REDIC1: variants seen among roughly 807,000 people sequenced by gnomAD.
REDIC1 encodes regulator of DNA class I crossover intermediates 1, also known as HEI10 Interacting Protein 1.
the REDIC1 span, among the ~76,000 whole-genome samples, chr12:39,712,029 C>CCTACCTGTATGTATATATACCTACCTGT: frequency 8.8e-6 from 1 of 113,290 alleles, no homozygotes; most frequent in Non-Finnish European, 1.8e-5. Flanking sequence ...TGTATATATA[C>CCTACCTGTATGTATATATACCTACCTGT]ATGTATATAT....
chr12:39,859,731 T>G, the REDIC1 span, among the ~76,000 whole-genome samples: 1 of 152,148 alleles, frequency 6.6e-6, no homozygotes, highest in African/African-American at 2.4e-5. Flanking sequence ...TTCACCATGT[T>G]GGCCGGGCTG....
At chr12:39,864,099 T>C in the REDIC1 span, among the ~76,000 whole-genome samples, 13 of 152,346 alleles carry the variant, frequency 8.5e-5, no homozygotes, top group South Asian at 2.7e-3. Context: ...AATCGATGTG[T>C]CCAATCACTC....
chr12:39,792,338 C>G, the REDIC1 span, among the ~76,000 whole-genome samples: 1 of 151,262 alleles, frequency 6.6e-6, no homozygotes, highest in Non-Finnish European at 1.5e-5. Context: ...GTCCAAAACA[C>G]CAAAAGCAAT....
the REDIC1 span, among the ~76,000 whole-genome samples, chr12:39,628,341 G>A: frequency 2.0e-5 from 3 of 152,114 alleles, no homozygotes; most frequent in African/African-American, 7.2e-5. Context: ...ACAGGCAAGG[G>A]TACACAAGAT....
the REDIC1 span, among the ~76,000 whole-genome samples, chr12:39,817,095 A>C: frequency 6.6e-6 from 1 of 152,206 alleles, no homozygotes; most frequent in Non-Finnish European, 1.5e-5. Flanking sequence ...TAACAGCAAA[A>C]ACACAGAGAA....
At chr12:39,644,592 C>T in the REDIC1 span, among the ~76,000 whole-genome samples, 1 of 151,932 alleles carries the variant, frequency 6.6e-6, no homozygotes, top group Non-Finnish European at 1.5e-5. Context: ...AATATTTCCT[C>T]ATTTCCTTTC....
the REDIC1 span, among the ~76,000 whole-genome samples, chr12:39,852,643 G>C: frequency 6.4e-4 from 97 of 152,242 alleles, no homozygotes; most frequent in South Asian, 0.018. Flanking sequence ...CTGACTTCTA[G>C]AACTAAATCA....
the REDIC1 span, among the ~76,000 whole-genome samples, chr12:39,666,643 A>G: frequency 6.6e-6 from 1 of 152,194 alleles, no homozygotes; most frequent in Non-Finnish European, 1.5e-5. Flanking sequence ...AAGAAATGGT[A>G]CCAGCTCCTC....
chr12:39,894,311 C>G, the REDIC1 span, among the ~76,000 whole-genome samples: 1 of 152,134 alleles, frequency 6.6e-6, no homozygotes, highest in Non-Finnish European at 1.5e-5. Context: ...CACTGGTTAT[C>G]CACATATTGA....
chr12:39,713,014 T>C, the REDIC1 span, among the ~76,000 whole-genome samples: 2 of 140,762 alleles, frequency 1.4e-5, no homozygotes, highest in African/African-American at 5.5e-5. Flanking sequence ...TATATATACA[T>C]GTGTATATAC....
the REDIC1 span, chr12:39,640,886 C>A: frequency 1.8e-6 from 2 of 1,099,078 alleles, no homozygotes; most frequent in Non-Finnish European, 2.7e-6. Flanking sequence ...TTCAATTAAG[C>A]TAAACTGGCA....
the REDIC1 span, among the ~76,000 whole-genome samples, chr12:39,739,712 CA>C: frequency 6.6e-6 from 1 of 151,992 alleles, no homozygotes; most frequent in African/African-American, 2.4e-5. Flanking sequence ...TGTAGATTTC[CA>C]AAATGGTCAT....
the REDIC1 span, among the ~76,000 whole-genome samples, chr12:39,874,269 T>C: frequency 6.6e-6 from 1 of 152,070 alleles, no homozygotes; most frequent in Admixed American, 6.5e-5. Flanking sequence ...TGCAAAATGG[T>C]ATGCTGGGTT....
chr12:39,723,488 A>G, the REDIC1 span, among the ~76,000 whole-genome samples: 2 of 151,844 alleles, frequency 1.3e-5, no homozygotes, highest in Admixed American at 6.6e-5. Flanking sequence ...ATACTTCTCA[A>G]AATGCATTAC....
chr12:39,662,996 C>A, the REDIC1 span, among the ~76,000 whole-genome samples: 1 of 151,858 alleles, frequency 6.6e-6, no homozygotes, highest in South Asian at 2.1e-4. Context: ...CATGTATTAT[C>A]TTTTTTTAAG....
the REDIC1 span, among the ~76,000 whole-genome samples, chr12:39,693,637 C>T: frequency 6.6e-6 from 1 of 151,924 alleles, no homozygotes; most frequent in Admixed American, 6.5e-5. Context: ...TTTCTTCATC[C>T]TTATGACCAT....
the REDIC1 span, among the ~76,000 whole-genome samples, chr12:39,672,881 A>G: frequency 6.6e-6 from 1 of 152,120 alleles, no homozygotes; most frequent in Non-Finnish European, 1.5e-5. Flanking sequence ...GATGCCCTGA[A>G]GGAGCTGCTT....
chr12:39,733,372 T>A, the REDIC1 span, among the ~76,000 whole-genome samples: 1 of 152,074 alleles, frequency 6.6e-6, no homozygotes, highest in Non-Finnish European at 1.5e-5. Flanking sequence ...GATATTCTGT[T>A]CCTTTGCTTT....
the REDIC1 span, among the ~76,000 whole-genome samples, chr12:39,677,916 C>T: frequency 2.0e-4 from 31 of 152,192 alleles, no homozygotes; most frequent in South Asian, 4.8e-3. Context: ...CAAAACCTAT[C>T]GAAACCTCTG....
Sources: gnomAD v4.1 joint callset for allele counts (sites outside exome capture counted in the v4.1 genomes callset) on GRCh38, gnomAD v4.1.1 for gene constraint, MANE v1.5 for transcripts, NCBI Gene and HGNC (gene_info 2026-07-23, HGNC 2026-07-21) for gene names.